USP25: variants seen among roughly 807,000 people sequenced by gnomAD.
The protein encoded by USP25 is ubiquitin carboxyl-terminal hydrolase 25.
USP25 carries 85 observed loss-of-function variants against 158.5 expected under a neutral mutation model. The observed-to-expected ratio is 0.54, with a 90% confidence interval of 0.45 to 0.64. The LOEUF (loss-of-function observed/expected upper bound fraction) is 0.64, where lower values mean the gene tolerates loss of function less well. USP25 is among the 30% of genes least tolerant of loss of function. The pLI, the probability that USP25 is intolerant of heterozygous loss-of-function variation, is 0.00. For synonymous variants in USP25, 464 were observed against 460.4 expected (o/e 1.01, Z -0.10); for missense variants, 1,242 against 1,327.3 (o/e 0.94, Z 1.00).
In USP25 at chr21:15,843,178, G is replaced by A. The variant is rs1208401197; in HGVS notation, c.2337+638G>A. On this transcript the variant is annotated intron_variant, in intron 18 of 25. Transcript: ENST00000400183. This position sits in a 1 kb window ranked among gnomAD's most constrained non-coding sequence, Gnocchi z 4.0. ...GTTATACTGTGTTATCAGTGAATAT[G>A]GCATTCTGAGAGAAGCTATTTCAAG... is the stretch of plus-strand genomic sequence containing the variant. Among the ~76,000 whole-genome samples, 1 of 152,128 alleles carries A rather than the reference G, an allele frequency of 6.6e-6. No homozygotes were observed. The highest frequency in any genetic ancestry group is 1.5e-5 in the Non-Finnish European group (1 of 68,026).
At chr21:15,742,342 C>A (rs1432907035) in intron 1 of USP25, among the ~76,000 whole-genome samples, 1 of 151,954 alleles carries the variant, frequency 6.6e-6, no homozygotes, top group Non-Finnish European at 1.5e-5. Context: ...CAGAGAGGAG[C>A]CAGGAATGAT....
rs2040228783 is a variant in USP25, at chr21:15,880,034, T to C, written c.*1559T>C. On this transcript the variant is annotated 3_prime_UTR_variant, in exon 26 of 26. Transcript: ENST00000400183. ...GTCATCACAGCTTTTGTAAAGAAAGTATCCTTAATATTTTATGACATTCTA... is the reference window on the plus strand; with the variant it reads ...GTCATCACAGCTTTTGTAAAGAAAGCATCCTTAATATTTTATGACATTCTA... 1 of 152,066 alleles carries C rather than the reference T, an allele frequency of 6.6e-6. No homozygotes were observed. Among genetic ancestry groups the C allele is most frequent in the South Asian group, 2.1e-4 (1 of 4,830 alleles). The allele number at this position is 152,066 out of a possible 1,614,324, so 9.4% of individuals were successfully genotyped here. A position where few individuals can be genotyped will look rare whatever the true frequency, so the allele number is the denominator to read the frequency against.
intron 5 of USP25, among the ~76,000 whole-genome samples, chr21:15,793,176 A>G (rs995347718): frequency 1.3e-5 from 2 of 151,788 alleles, no homozygotes; most frequent in Middle Eastern, 3.4e-3. Context: ...TGGCAAATAC[A>G]TGAGGGTCAT....
chr21:15,872,739 G>T (rs890242245), intron 23 of USP25, among the ~76,000 whole-genome samples: 1 of 152,138 alleles, frequency 6.6e-6, no homozygotes, highest in African/African-American at 2.4e-5. Context: ...CTTCAGGTGT[G>T]TAATTTGATT....
intron 1 of USP25, among the ~76,000 whole-genome samples, chr21:15,753,261 G>A (rs1383036581): frequency 6.6e-6 from 1 of 152,156 alleles, no homozygotes; most frequent in East Asian, 1.9e-4. Flanking sequence ...ATGATAATGA[G>A]GAAAGTTCAC....
intron 3 of USP25, among the ~76,000 whole-genome samples, chr21:15,771,914 AAAAGT>A (rs2034381456): frequency 6.6e-6 from 1 of 152,136 alleles, no homozygotes; most frequent in South Asian, 2.1e-4. Flanking sequence ...TTTTTTTAAA[AAAAGT>A]ATTTCCTCTT....
intron 24 of USP25, chr21:15,876,439 A>G (rs2040099591): frequency 6.6e-6 from 1 of 152,450 alleles, no homozygotes; most frequent in African/African-American, 2.4e-5. Flanking sequence ...TAATTTATAA[A>G]GGAAAGAGGT....
intron 1 of USP25, among the ~76,000 whole-genome samples, chr21:15,749,856 A>C (rs1005677831): frequency 1.3e-5 from 2 of 152,242 alleles, no homozygotes; most frequent in Middle Eastern, 3.2e-3. Flanking sequence ...GCCTTCTGTT[A>C]TCTACACATG....
intron 23 of USP25, among the ~76,000 whole-genome samples, chr21:15,872,871 G>A (rs746673125): frequency 4.6e-5 from 7 of 151,840 alleles, no homozygotes; most frequent in East Asian, 1.9e-4. Context: ...TGGCAGGAGC[G>A]TCTAGAGTTT....
At chr21:15,845,136 T>C (rs1216735283) in intron 18 of USP25, among the ~76,000 whole-genome samples, 10 of 152,160 alleles carry the variant, frequency 6.6e-5, no homozygotes, top group Non-Finnish European at 1.5e-5. Context: ...AATTACTAGC[T>C]TAAAAGGTAA....
At chr21:15,838,592 G>GTGGC (rs1568872766) in intron 17 of USP25, among the ~76,000 whole-genome samples, 1 of 152,066 alleles carries the variant, frequency 6.6e-6, no homozygotes, top group African/African-American at 2.4e-5. Flanking sequence ...CCACCTAAGC[G>GTGGC]TGGCTCTTTG....
chr21:15,744,353 G>T (rs189061629), intron 1 of USP25: 23 of 152,472 alleles, frequency 1.5e-4, no homozygotes, highest in Non-Finnish European at 2.9e-4. Flanking sequence ...TGAGACAAAG[G>T]TCTCACCGTG....
chr21:15,824,829 TG>T, intron 11 of USP25, 136 bp from the exon 12 acceptor site: 1 of 635,002 alleles, frequency 1.6e-6, no homozygotes, highest in Non-Finnish European at 2.8e-6. Context: ...TTGGCCAGGC[TG>T]GTCTTGAACT....
chr21:15,855,017 A>C (rs1435904328), intron 20 of USP25, among the ~76,000 whole-genome samples: 1 of 152,234 alleles, frequency 6.6e-6, no homozygotes, highest in Non-Finnish European at 1.5e-5. Context: ...TATGATAAGC[A>C]AAAATAAAAG....
intron 2 of USP25, among the ~76,000 whole-genome samples, chr21:15,763,556 T>C (rs144566719): frequency 2.4e-3 from 360 of 152,244 alleles, no homozygotes; most frequent in African/African-American, 8.2e-3. Context: ...ATATGGATAC[T>C]CACATTGAAA....
intron 5 of USP25, among the ~76,000 whole-genome samples, chr21:15,793,420 T>C (rs966835907): frequency 1.4e-5 from 2 of 139,810 alleles, no homozygotes; most frequent in Non-Finnish European, 3.0e-5. Context: ...AGTTTGCTAA[T>C]CTTAGCTTTT....
rs2038388916 is a variant in USP25, at chr21:15,842,548, C to A, written c.2337+8C>A. On this transcript the variant is annotated splice_region_variant and intron_variant, in intron 18 of 25. Coordinates refer to ENST00000400183, the MANE Select transcript of USP25 (RefSeq NM_001283041.3). ...GAAACAGTTTTGCAGTCGGTAAGAA[C>A]TTTTCTTTTGGCTCTCTGAACATAG... is the stretch of plus-strand genomic sequence containing the variant. The A allele has an allele frequency of 1.2e-6, 2 of 1,612,482 alleles. No individual in the cohort carries two copies. The highest frequency in any genetic ancestry group is 1.3e-5 in the African/African-American group (1 of 74,798).
chr21:15,787,472 A>G (rs2035343159), intron 4 of USP25, among the ~76,000 whole-genome samples: 1 of 152,044 alleles, frequency 6.6e-6, no homozygotes, highest in Non-Finnish European at 1.5e-5. Flanking sequence ...ATTTTTGACA[A>G]AAACTGTTAA....
intron 5 of USP25, among the ~76,000 whole-genome samples, chr21:15,793,092 G>A (rs1341000809): frequency 6.6e-6 from 1 of 151,494 alleles, no homozygotes; most frequent in Non-Finnish European, 1.5e-5. Context: ...TAGTTTTAAG[G>A]CTCTGAACTG....
Sources: gnomAD v4.1 joint callset for allele counts (sites outside exome capture counted in the v4.1 genomes callset) on GRCh38, gnomAD v4.1.1 for gene constraint, Gnocchi (gnomAD v3.1) non-coding constraint, MANE v1.5 for transcripts, NCBI Gene and HGNC (gene_info 2026-07-23, HGNC 2026-07-21) for gene names.